Variants in SH3BGR observed in about 807,000 individuals in gnomAD.
SH3BGR encodes SH3 domain-binding glutamic acid-rich protein.
SH3BGR carries 29 observed loss-of-function variants against 24.5 expected under a neutral mutation model. That is an observed-to-expected ratio of 1.18 (90% confidence interval 0.88 to 1.61). The LOEUF is 1.61. SH3BGR is among the 40% of genes most tolerant of loss of function. The probability of loss-of-function intolerance (pLI) is 0.00; values close to 1 mark genes in which losing one functional copy is unlikely to be tolerated. For synonymous variants in SH3BGR, 55 were observed against 65.7 expected, an observed-to-expected ratio of 0.84 and a Z score of 0.79; for missense variants, 162 against 205.8, an observed-to-expected ratio of 0.79 and a Z score of 1.30.
chr21:39,480,920 G>A (rs976156240), intron 3 of SH3BGR, among the ~76,000 whole-genome samples: 2 of 152,094 alleles, frequency 1.3e-5, no homozygotes, highest in African/African-American at 2.4e-5. Flanking sequence ...GAATGAATGT[G>A]GTATCTTATT....
At chr21:39,466,124 AT>A in intron 2 of SH3BGR, among the ~76,000 whole-genome samples, 1 of 152,254 alleles carries the variant, frequency 6.6e-6, no homozygotes, top group Non-Finnish European at 1.5e-5. Context: ...TCACATTTTG[AT>A]CAATATTGGC....
chr21:39,503,983 A>T (rs1221502403), intron 4 of SH3BGR, among the ~76,000 whole-genome samples: 1 of 152,218 alleles, frequency 6.6e-6, no homozygotes, highest in Non-Finnish European at 1.5e-5. Context: ...GAAAACAGAA[A>T]GTCAGCTCAG....
At chr21:39,455,985 A>G (rs1176257141) in intron 1 of SH3BGR, among the ~76,000 whole-genome samples, 1 of 152,218 alleles carries the variant, frequency 6.6e-6, no homozygotes, top group Non-Finnish European at 1.5e-5. Flanking sequence ...TGTCTTGTGA[A>G]GCTTAATCGC....
chr21:39,499,934 A>T lies in SH3BGR; in HGVS notation c.405+19A>T. On this transcript the variant is annotated intron_variant, in intron 4 of 6. Coordinates refer to ENST00000333634, the MANE Select transcript of SH3BGR (RefSeq NM_007341.3). The stretch of plus-strand genomic sequence containing the variant: ...GAAGAATGTGAGTTTTCGCTTTTTC[A>T]CAGCAGTTTGACTGGATTCTCTGCT... 6.4e-7 allele frequency: 1 copy of T among 1,565,242 alleles called. No individual in the cohort carries two copies. The highest frequency in any genetic ancestry group is 2.2e-5 in the East Asian group (1 of 44,634).
upstream of SH3BGR, among the ~76,000 whole-genome samples, chr21:39,449,661 T>C (rs1442483192): frequency 6.6e-6 from 1 of 152,180 alleles, no homozygotes; most frequent in Non-Finnish European, 1.5e-5. Context: ...AAATTCATAG[T>C]GAAAAGGGGG....
At position 39,459,237 on chromosome 21, in the gene SH3BGR, T is replaced by A. The variant is rs576847232; in HGVS notation, c.46-3138T>A. Among the ~76,000 whole-genome samples, 344 of 152,008 alleles carry A rather than the reference T, an allele frequency of 2.3e-3. 6 individuals are homozygous for A. In the South Asian group the frequency reaches 0.023, roughly 10 times the overall value. Reference sequence around the variant, plus strand: ...TTCCTTTTTTCTTTTTCTTTCTTTTTTTTTTTGAGACGGAGTCTCACTCTG... The same window carrying A: ...TTCCTTTTTTCTTTTTCTTTCTTTTATTTTTTGAGACGGAGTCTCACTCTG... On this transcript the variant is annotated intron_variant, in intron 1 of 6. Transcript: ENST00000333634.
chr21:39,479,238 G>GTGGTGGTGGTGGTGGTAATGGTCA (rs2078082359), intron 3 of SH3BGR, among the ~76,000 whole-genome samples: 1 of 144,478 alleles, frequency 6.9e-6, no homozygotes, highest in Non-Finnish European at 1.5e-5. Flanking sequence ...GGTGGTGGTG[G>GTGGTGGTGGTGGTGGTAATGGTCA]TGGTGGTGGT....
chr21:39,477,345 A>G (rs753039900), intron 3 of SH3BGR, among the ~76,000 whole-genome samples: 1 of 152,210 alleles, frequency 6.6e-6, no homozygotes, highest in Non-Finnish European at 1.5e-5. Flanking sequence ...TATGTTGCCC[A>G]GGCTAGTTTT....
At chr21:39,495,482 C>CTTTTTTT (rs543877521) in intron 3 of SH3BGR, among the ~76,000 whole-genome samples, 171 of 140,184 alleles carry the variant, frequency 1.2e-3, no homozygotes, top group African/African-American at 4.3e-3. Flanking sequence ...GTAAAAGTCT[C>CTTTTTTT]TTTTTTTTTT....
At chr21:39,451,793 T>G, upstream of SH3BGR, 35 of 1,124,286 alleles carry the variant, frequency 3.1e-5, no homozygotes, top group Non-Finnish European at 4.3e-5. Context: ...TAGGGACTGT[T>G]GTCGCGCGTT....
At chr21:39,447,238 C>T (rs945720762), upstream of SH3BGR, among the ~76,000 whole-genome samples, 15 of 152,000 alleles carry the variant, frequency 9.9e-5, no homozygotes, top group Admixed American at 2.6e-4. Flanking sequence ...ATGACAGTAA[C>T]GAGAGCGGAG....
Position 39,511,849 on chromosome 21 carries a change from C to A in SH3BGR, c.*34+40C>A. ...CTGGGGTGGAAAAGCTGCTAGTTAC[C>A]GTACTGTATGCTATCTGCGGCACAT... On this transcript the variant is annotated intron_variant, in intron 6 of 6. Transcript: ENST00000333634. The surrounding 1 kb of genome is among the most constrained non-coding windows in gnomAD (Gnocchi z 4.2). The A allele has an allele frequency of 6.4e-7, 1 of 1,552,120 alleles. No homozygotes were observed. Among genetic ancestry groups the A allele is most frequent in the East Asian group, 2.3e-5 (1 of 44,006 alleles).
intron 4 of SH3BGR, among the ~76,000 whole-genome samples, chr21:39,505,971 A>G (rs993823101): frequency 7.2e-5 from 11 of 152,218 alleles, no homozygotes; most frequent in African/African-American, 2.7e-4. Context: ...CAATAATTCT[A>G]TGGTACATAT....
At chr21:39,463,344 CT>C (rs902175453) in intron 2 of SH3BGR, among the ~76,000 whole-genome samples, 9 of 152,186 alleles carry the variant, frequency 5.9e-5, no homozygotes, top group African/African-American at 1.7e-4. Flanking sequence ...CATGAGATCA[CT>C]TTTTTTCCCC....
At chr21:39,484,516 T>C (rs1263981427) in intron 3 of SH3BGR, among the ~76,000 whole-genome samples, 1 of 152,276 alleles carries the variant, frequency 6.6e-6, no homozygotes, top group Non-Finnish European at 1.5e-5. Context: ...TTATCTCATT[T>C]TTATTTTAAT....
At chr21:39,504,003 A>G (rs1342765474) in intron 4 of SH3BGR, among the ~76,000 whole-genome samples, 1 of 152,240 alleles carries the variant, frequency 6.6e-6, no homozygotes, top group African/African-American at 2.4e-5. Context: ...GCTTCTGGGC[A>G]TTCTCTAAGA....
At chr21:39,510,796 C>G (rs915482240) in intron 5 of SH3BGR, among the ~76,000 whole-genome samples, 28 of 150,534 alleles carry the variant, frequency 1.9e-4, no homozygotes. Flanking sequence ...TTGCTGATAA[C>G]TTTTGCTTCA....
chr21:39,502,190 G>A (rs533150504), intron 4 of SH3BGR, among the ~76,000 whole-genome samples: 54 of 152,280 alleles, frequency 3.5e-4, no homozygotes, highest in African/African-American at 1.2e-3. Flanking sequence ...TTGCTGAAAT[G>A]GGAGGACATT....
Position 39,511,426 on chromosome 21 carries a change from G to T in SH3BGR, c.436-254G>T, listed in dbSNP as rs1320758021. Among the ~76,000 whole-genome samples, 7 of 148,998 alleles carry T rather than the reference G, an allele frequency of 4.7e-5. No homozygotes were observed. Among genetic ancestry groups the T allele is most frequent in the Non-Finnish European group, 6.0e-5 (4 of 67,056 alleles). ...GTGTGTCTGGGTGGTGTGTGGGGGG[G>T]TGTGTGTGCTGTGTGTCATGTGTGT... On this transcript the variant is annotated intron_variant, in intron 5 of 6. Transcript: ENST00000333634. This position sits in a 1 kb window ranked among gnomAD's most constrained non-coding sequence, Gnocchi z 4.2.
Sources: allele counts gnomAD v4.1 joint callset (sites outside exome capture counted in the v4.1 genomes callset), GRCh38; gene constraint gnomAD v4.1.1; non-coding constraint Gnocchi (gnomAD v3.1); transcripts MANE v1.5; gene names NCBI Gene and HGNC (gene_info 2026-07-23, HGNC 2026-07-21).